BRSK1: variants seen among roughly 807,000 people sequenced by gnomAD.
BRSK1 encodes the protein serine/threonine-protein kinase BRSK1.
In BRSK1, 17 loss-of-function variants were observed where a neutral mutation model predicts 86.2. That is an observed-to-expected ratio of 0.20 (90% CI 0.14 to 0.30). The LOEUF (loss-of-function observed/expected upper bound fraction) is 0.30, where lower values mean the gene tolerates loss of function less well. Ranked by LOEUF, BRSK1 falls within the 10% of genes least tolerant of loss-of-function variation. BRSK1 has a pLI of 1.00. For missense variants in BRSK1, 719 were observed against 1,071.9 expected (o/e 0.67, Z 4.60); for synonymous variants, 464 against 440.1 (o/e 1.05, Z -0.68).
At chr19:55,296,039 C>T (rs960794150) in intron 7 of BRSK1, among the ~76,000 whole-genome samples, 3 of 152,126 alleles carry the variant, frequency 2.0e-5, no homozygotes, top group African/African-American at 7.2e-5. Context: ...CTGCCTGGGA[C>T]ACTCTGCTAC....
Position 55,294,522 on chromosome 19 carries a change from GA to G in BRSK1, c.678+126del. On this transcript the variant is annotated intron_variant, in intron 7 of 18. Coordinates refer to ENST00000309383, the MANE Select transcript of BRSK1 (RefSeq NM_032430.2). The surrounding 1 kb of genome is among the most constrained non-coding windows in gnomAD (Gnocchi z 4.9). ...TATGAATTTTATTTATTTATTTTGA[GA>G]CAGAGTCTTGCCCCGTCGCCTAGGC... 8.0e-7 allele frequency: 1 copy of G among 1,250,722 alleles called. No individual in the cohort carries two copies. 77.5% of individuals were successfully genotyped at this position (1,250,722 alleles called of 1,614,324 possible). A position where few individuals can be genotyped will look rare whatever the true frequency, so the allele number is the denominator to read the frequency against.
At chr19:55,305,172 G>A in intron 14 of BRSK1, 149 bp from the exon 15 acceptor site, 1 of 1,221,468 alleles carries the variant, frequency 8.2e-7, no homozygotes, top group Non-Finnish European at 1.2e-6. Context: ...ATTGGCCCGT[G>A]GTTTGTGAGC....
At chr19:55,308,046 A>T (rs2088689686) in intron 17 of BRSK1, among the ~76,000 whole-genome samples, 1 of 142,242 alleles carries the variant, frequency 7.0e-6, no homozygotes, top group Non-Finnish European at 1.5e-5. Flanking sequence ...TTTGAGACAG[A>T]GTCTTGCTCT....
intron 7 of BRSK1, among the ~76,000 whole-genome samples, chr19:55,301,066 C>T (rs772324998): frequency 6.6e-6 from 1 of 152,230 alleles, no homozygotes; most frequent in Non-Finnish European, 1.5e-5. Context: ...ATTTAGGGCT[C>T]AGCCTCATTC....
rs2088464399 is a variant in BRSK1 at position 55,294,964 on chromosome 19, G to C, written c.678+567G>C. Among the ~76,000 whole-genome samples the C allele has an allele frequency of 6.6e-6, 1 of 151,968 alleles. No homozygotes were observed. Among genetic ancestry groups the C allele is most frequent in the African/African-American group, 2.4e-5 (1 of 41,388 alleles). On this transcript the variant is annotated intron_variant, in intron 7 of 18. Coordinates refer to ENST00000309383, the MANE Select transcript of BRSK1 (RefSeq NM_032430.2). This position sits in a 1 kb window ranked among gnomAD's most constrained non-coding sequence, Gnocchi z 4.9. ...CTACAGGTACCTGCCACCATGCTTG[G>C]CTAATTTTTGTATCTTTAGTAGAGA...
chr19:55,300,693 G>T, intron 7 of BRSK1, among the ~76,000 whole-genome samples: 1 of 152,302 alleles, frequency 6.6e-6, no homozygotes, highest in African/African-American at 2.4e-5. Flanking sequence ...AAAAAAATTA[G>T]CCGGGCATAG....
In BRSK1 at chr19:55,287,681, C is replaced by T. The variant is rs1370480199; in HGVS notation, c.317+382C>T. ...CCTAGCAAAGCCCAAAGGATCTTCC[C>T]AAACCCCAACTCTGGAGCACTGGAG... On this transcript the variant is annotated intron_variant, in intron 3 of 18. Coordinates refer to ENST00000309383, the MANE Select transcript of BRSK1 (RefSeq NM_032430.2). The surrounding 1 kb of genome is among the most constrained non-coding windows in gnomAD (Gnocchi z 5.3). Among the ~76,000 whole-genome samples the T allele has an allele frequency of 2.0e-5, 3 of 152,242 alleles. No homozygotes were observed. Among genetic ancestry groups the T allele is most frequent in the Non-Finnish European group, 2.9e-5 (2 of 68,050 alleles).
chr19:55,302,287 C>T lies in BRSK1; in HGVS notation c.857+119C>T. ...TTCCTGAGAGGCAACGGGCTAGGGA[C>T]TCGGACTTATGGGTCCTGGGGGAAG... On this transcript the variant is annotated intron_variant, in intron 9 of 18. Coordinates refer to ENST00000309383, the MANE Select transcript of BRSK1 (RefSeq NM_032430.2). This position sits in a 1 kb window ranked among gnomAD's most constrained non-coding sequence, Gnocchi z 6.3. 3 of 1,190,760 alleles carry T rather than the reference C, an allele frequency of 2.5e-6. No homozygotes were observed. 73.8% of individuals were successfully genotyped at this position (1,190,760 alleles called of 1,614,324 possible). A position where few individuals can be genotyped will look rare whatever the true frequency, so the allele number is the denominator to read the frequency against.
At position 55,308,678 on chromosome 19, in the gene BRSK1, A is replaced by T. The variant is rs1600195623; in HGVS notation, c.2129A>T (p.Gln710Leu). Residue 710 changes from glutamine to leucine, a missense_variant, in exon 18 of 19, where the codon CAG becomes CTG. By Grantham distance (113) the Gln-to-Leu change is moderately radical. This residue lies in a region of BRSK1 where 180 missense variants were observed against 259.4 expected (regional missense o/e 0.69). Transcript: ENST00000309383. The part of the protein sequence containing the change: ...RRFKRVVETI[Q>L]AQLLSTHDQP... ...TTCAAGCGAGTGGTGGAGACCATCC[A>T]GGCACAGCTCCTGAGCACTCATGAC... 1 of 1,600,442 alleles carries T rather than the reference A, an allele frequency of 6.2e-7. No homozygotes were observed. The highest frequency in any genetic ancestry group is 8.5e-7 in the Non-Finnish European group (1 of 1,173,524).
chr19:55,306,254 C>T lies in BRSK1; in HGVS notation c.1893C>T (p.Ile631=). ...TCCTGTGTTCCTACCTCGCTCAGAT[C>T]CCCAGCCTGAGTCACAGTGTGCTGT... is the stretch of plus-strand genomic sequence containing the variant. ...KADIVHAFLS[I]PSLSHSVLSQ... is the part of the protein sequence containing the mutation. Residue 631 remains isoleucine (I), a splice_region_variant and synonymous_variant, in exon 17 of 19, where the codon ATC becomes ATT. Coordinates refer to ENST00000309383, the MANE Select transcript of BRSK1 (RefSeq NM_032430.2). The surrounding 1 kb of genome is among the most constrained non-coding windows in gnomAD (Gnocchi z 4.7). The T allele has an allele frequency of 6.2e-7, 1 of 1,613,958 alleles. No individual in the cohort carries two copies. Among genetic ancestry groups the T allele is most frequent in the East Asian group, 2.2e-5 (1 of 44,886 alleles).
rs748684276 is a variant in BRSK1 at position 55,302,909 on chromosome 19, C to T, written c.1028+42C>T. ...CCTGCACCCGTGTACCCACGTGGGG[C>T]GAGCTGCAGCAGCTCCCTGCGCACA... On this transcript the variant is annotated intron_variant, in intron 10 of 18. Coordinates refer to ENST00000309383, the MANE Select transcript of BRSK1 (RefSeq NM_032430.2). The surrounding 1 kb of genome is among the most constrained non-coding windows in gnomAD (Gnocchi z 6.3). The T allele has an allele frequency of 3.0e-5, 48 of 1,585,302 alleles. No homozygotes were observed. Among genetic ancestry groups the T allele is most frequent in the Non-Finnish European group, 3.4e-5 (39 of 1,160,688 alleles).
chr19:55,306,306 A>C lies in BRSK1; in HGVS notation c.1945A>C (p.Lys649Gln), dbSNP rs1260183406. 1 of 1,614,058 alleles carries C rather than the reference A, an allele frequency of 6.2e-7. No homozygotes were observed. Among genetic ancestry groups the C allele is most frequent in the Non-Finnish European group, 8.5e-7 (1 of 1,180,054 alleles). Residue 649 changes from lysine (K) to glutamine (Q), a missense_variant, in exon 17 of 19, where the codon AAG becomes CAG. By Grantham distance (53) the Lys-to-Gln change is moderately conservative. Coordinates refer to ENST00000309383, the MANE Select transcript of BRSK1 (RefSeq NM_032430.2). The surrounding 1 kb of genome is among the most constrained non-coding windows in gnomAD (Gnocchi z 4.7). ...LSQTSFRAEY[K>Q]ASGGPSVFQK... ...ACAGACCAGCTTCAGGGCCGAGTAC[A>C]AGGCCAGTGGCGGCCCCTCCGTCTT...
intron 1 of BRSK1, among the ~76,000 whole-genome samples, chr19:55,285,774 A>G (rs918362002): frequency 1.3e-5 from 2 of 152,134 alleles, no homozygotes. Flanking sequence ...CAGAGTCTCT[A>G]TGAAGCTCAG....
chr19:55,297,306 C>T (rs962591689), intron 7 of BRSK1, among the ~76,000 whole-genome samples: 5 of 152,014 alleles, frequency 3.3e-5, no homozygotes, highest in African/African-American at 9.6e-5. Flanking sequence ...CGAACTTGAC[C>T]TCCGCCCGCC....
At chr19:55,298,040 C>A (rs1046367350) in intron 7 of BRSK1, among the ~76,000 whole-genome samples, 1 of 151,778 alleles carries the variant, frequency 6.6e-6, no homozygotes, top group African/African-American at 2.4e-5. Flanking sequence ...GTCTCGAACT[C>A]CTGACCTCAG....
Position 55,305,458 on chromosome 19 carries a change from C to T in BRSK1, c.1767-5C>T, listed in dbSNP as rs895203024. ...ACCCTCCTCCAACCACCCCCTCCCA[C>T]TCAGGCTGGCAAAACGCTCCTGGTT... On this transcript the variant is annotated splice_region_variant and splice_polypyrimidine_tract_variant and intron_variant, in intron 15 of 18. Coordinates refer to ENST00000309383, the MANE Select transcript of BRSK1 (RefSeq NM_032430.2). The T allele has an allele frequency of 3.1e-6, 5 of 1,614,080 alleles. No homozygotes were observed. Among genetic ancestry groups the T allele is most frequent in the Non-Finnish European group, 4.2e-6 (5 of 1,180,012 alleles).
chr19:55,310,756 G>A lies in BRSK1; in HGVS notation c.2180-1155G>A, dbSNP rs1418091593. ...ACCCTCTTTTCTCATGGTTGCTAGG[G>A]GCAACCGGAAAGCAAATTAGGTCCA... On this transcript the variant is annotated intron_variant, in intron 18 of 18. Transcript: ENST00000309383. This position sits in a 1 kb window ranked among gnomAD's most constrained non-coding sequence, Gnocchi z 5.0. Among the ~76,000 whole-genome samples the A allele has an allele frequency of 6.6e-6, 1 of 152,088 alleles. No homozygotes were observed. Among genetic ancestry groups the A allele is most frequent in the Admixed American group, 6.6e-5 (1 of 15,260 alleles).
chr19:55,285,454 A>G (rs1374085477), intron 1 of BRSK1, among the ~76,000 whole-genome samples: 6 of 152,118 alleles, frequency 3.9e-5, no homozygotes, highest in South Asian at 2.1e-4. Flanking sequence ...GTACAGCTGC[A>G]GACCGGGGTG....
chr19:55,304,012 CA>C lies in BRSK1; in HGVS notation c.1287-37del. The C allele has an allele frequency of 1.9e-6, 3 of 1,569,114 alleles. No homozygotes were observed. The highest frequency in any genetic ancestry group is 2.6e-6 in the Non-Finnish European group (3 of 1,156,920). The stretch of plus-strand genomic sequence containing the variant: ...ACATCTGTGGTTTTTGAAACCCTCC[CA>C]TCTGATTTTTTTTTTTTAAATCTAT... On this transcript the variant is annotated intron_variant, in intron 12 of 18. Coordinates refer to ENST00000309383, the MANE Select transcript of BRSK1 (RefSeq NM_032430.2). This position sits in a 1 kb window ranked among gnomAD's most constrained non-coding sequence, Gnocchi z 5.2.
Sources: allele counts gnomAD v4.1 joint callset (sites outside exome capture counted in the v4.1 genomes callset), GRCh38; gene constraint gnomAD v4.1.1; regional missense constraint gnomAD v4.1.1; non-coding constraint Gnocchi (gnomAD v3.1); transcripts MANE v1.5; gene names NCBI Gene and HGNC (gene_info 2026-07-23, HGNC 2026-07-21).